SLC6A3: variants seen among roughly 807,000 people sequenced by gnomAD.
SLC6A3 encodes the protein sodium-dependent dopamine transporter.
SLC6A3 carries 19 observed loss-of-function variants against 70.4 expected under a neutral mutation model. The observed-to-expected ratio is 0.27, with a 90% CI of 0.19 to 0.40. The LOEUF (loss-of-function observed/expected upper bound fraction) is 0.40, where lower values mean the gene tolerates loss of function less well. Ranked by LOEUF, SLC6A3 falls within the 10% of genes least tolerant of loss-of-function variation. SLC6A3 has a pLI of 1.00. For missense variants in SLC6A3, 613 were observed against 838.5 expected, an observed-to-expected ratio of 0.73 and a Z score of 3.32; for synonymous variants, 368 against 356.6, an observed-to-expected ratio of 1.03 and a Z score of -0.36.
At position 1,436,393 on chromosome 5, in the gene SLC6A3, G is replaced by C. The variant is rs1466607721; in HGVS notation, c.419-3695C>G. Among the ~76,000 whole-genome samples, 1 of 152,192 alleles carries C rather than the reference G, an allele frequency of 6.6e-6. No individual in the cohort carries two copies. The highest frequency in any genetic ancestry group is 2.4e-5 in the African/African-American group (1 of 41,456). On this transcript the variant is annotated intron_variant, in intron 3 of 14. Coordinates refer to ENST00000270349, the MANE Select transcript of SLC6A3 (RefSeq NM_001044.5). The surrounding 1 kb of genome is among the most constrained non-coding windows in gnomAD (Gnocchi z 5.2). ...TCTTAAACACCATTTAGTGACACGG[G>C]AGACTGTCTCCCCAAGGAGGTGGCA...
chr5:1,420,775 C>A (rs1756417041), intron 5 of SLC6A3, 72 bp from the exon 6 acceptor site: 1 of 1,562,822 alleles, frequency 6.4e-7, no homozygotes, highest in South Asian at 1.1e-5. Flanking sequence ...GGCACAAGGG[C>A]ACCGGGTTGC....
rs181321030 is a variant in SLC6A3 at position 1,405,250 on chromosome 5, G to A, written c.1599+938C>T. Among the ~76,000 whole-genome samples, 39 of 152,310 alleles carry A rather than the reference G, an allele frequency of 2.6e-4. No homozygotes were observed. Among genetic ancestry groups the A allele is most frequent in the African/African-American group, 8.4e-4 (35 of 41,578 alleles). ...CTCTCACACTATGTTGAGCTCCTCCGGGATAGGGCCTGTCTCTCATCTCTT... is the reference window on the plus strand; with the variant it reads ...CTCTCACACTATGTTGAGCTCCTCCAGGATAGGGCCTGTCTCTCATCTCTT... On this transcript the variant is annotated intron_variant, in intron 12 of 14. Coordinates refer to ENST00000270349, the MANE Select transcript of SLC6A3 (RefSeq NM_001044.5). This position sits in a 1 kb window ranked among gnomAD's most constrained non-coding sequence, Gnocchi z 5.3.
intron 14 of SLC6A3, among the ~76,000 whole-genome samples, chr5:1,398,338 G>A (rs1755769602): frequency 6.9e-6 from 1 of 145,198 alleles, no homozygotes; most frequent in Non-Finnish European, 1.5e-5. Flanking sequence ...TCCAGCCTGG[G>A]TGACAGAGCA....
chr5:1,428,961 C>G (rs984465779), intron 4 of SLC6A3, among the ~76,000 whole-genome samples: 3 of 152,216 alleles, frequency 2.0e-5, no homozygotes, highest in Non-Finnish European at 4.4e-5. Flanking sequence ...GTGTAGGAAA[C>G]TCAATCCCTT....
At position 1,406,620 on chromosome 5, in the gene SLC6A3, T is replaced by TC. The variant is rs1755987382; in HGVS notation, c.1499-333_1499-332insG. Among the ~76,000 whole-genome samples, 1 of 149,318 alleles carries TC rather than the reference T, an allele frequency of 6.7e-6. No individual in the cohort carries two copies. The highest frequency in any genetic ancestry group is 1.5e-5 in the Non-Finnish European group (1 of 65,970). ...CTCCCTCTGCTGCTGGTACTTCTTG[T>TC]TCACTTAAAAAGATTATGGTAAAAT... On this transcript the variant is annotated intron_variant, in intron 11 of 14. Coordinates refer to ENST00000270349, the MANE Select transcript of SLC6A3 (RefSeq NM_001044.5). The surrounding 1 kb of genome is among the most constrained non-coding windows in gnomAD (Gnocchi z 8.8).
chr5:1,440,114 G>T (rs978000151), intron 3 of SLC6A3, among the ~76,000 whole-genome samples: 1 of 152,206 alleles, frequency 6.6e-6, no homozygotes, highest in South Asian at 2.1e-4. Context: ...ACAACTAGAT[G>T]GATCAATAGC....
At chr5:1,444,906 G>A (rs1453374629) in intron 1 of SLC6A3, among the ~76,000 whole-genome samples, 1 of 151,874 alleles carries the variant, frequency 6.6e-6, no homozygotes, top group Non-Finnish European at 1.5e-5. Flanking sequence ...GCCCGCGCCC[G>A]CCACCACCCC....
chr5:1,410,167 G>A (rs61244702), intron 9 of SLC6A3, among the ~76,000 whole-genome samples: 2 of 152,306 alleles, frequency 1.3e-5, no homozygotes, highest in African/African-American at 2.4e-5. Context: ...GCTGCTGCAC[G>A]GGCTCAGCTT....
At chr5:1,410,841 CGT>C (rs879435194) in intron 9 of SLC6A3, among the ~76,000 whole-genome samples, 29 of 151,110 alleles carry the variant, frequency 1.9e-4, no homozygotes, top group South Asian at 4.2e-4. Flanking sequence ...TGTGTGTGTT[CGT>C]GTGTGTTCAT....
chr5:1,397,589 C>T lies in SLC6A3; in HGVS notation c.1840-2831G>A, dbSNP rs1432057253. Among the ~76,000 whole-genome samples, 1 of 152,172 alleles carries T rather than the reference C, an allele frequency of 6.6e-6. No homozygotes were observed. The highest frequency in any genetic ancestry group is 2.4e-5 in the African/African-American group (1 of 41,436). Reference sequence around the variant, plus strand: ...GGCTCACAGGCCACACATCTCAGCACAGCCACGGAACACTGCTGCCTCCAA... The same window carrying T: ...GGCTCACAGGCCACACATCTCAGCATAGCCACGGAACACTGCTGCCTCCAA... On this transcript the variant is annotated intron_variant, in intron 14 of 14. Coordinates refer to ENST00000270349, the MANE Select transcript of SLC6A3 (RefSeq NM_001044.5). This position sits in a 1 kb window ranked among gnomAD's most constrained non-coding sequence, Gnocchi z 4.7.
chr5:1,406,058 G>A lies in SLC6A3; in HGVS notation c.1599+130C>T. 1 of 736,116 alleles carries A rather than the reference G, an allele frequency of 1.4e-6. No individual in the cohort carries two copies. The highest frequency in any genetic ancestry group is 2.5e-6 in the Non-Finnish European group (1 of 401,902). The allele number at this position is 736,116 out of a possible 1,614,324, so 45.6% of individuals were successfully genotyped here. ...AGTTCAGGGATCAGCCTGTCCTTCTGGGCCGAGTCTTGAGGCCCCTGACTC... is the reference window on the plus strand; with the variant it reads ...AGTTCAGGGATCAGCCTGTCCTTCTAGGCCGAGTCTTGAGGCCCCTGACTC... On this transcript the variant is annotated intron_variant, in intron 12 of 14. Transcript: ENST00000270349. This position sits in a 1 kb window ranked among gnomAD's most constrained non-coding sequence, Gnocchi z 8.8.
intron 9 of SLC6A3, among the ~76,000 whole-genome samples, 189 bp from the exon 10 acceptor site, chr5:1,410,038 G>A (rs746768841): frequency 8.5e-5 from 13 of 152,218 alleles, no homozygotes; most frequent in Non-Finnish European, 1.8e-4. Context: ...ATGGCGGCAC[G>A]ACCGCAGGAG....
At chr5:1,400,070 C>T (rs1253670367) in intron 14 of SLC6A3, among the ~76,000 whole-genome samples, 5 of 152,226 alleles carry the variant, frequency 3.3e-5, no homozygotes, top group Non-Finnish European at 7.3e-5. Flanking sequence ...CGGTGCCCTC[C>T]ACACTATGGC....
intron 4 of SLC6A3, among the ~76,000 whole-genome samples, chr5:1,428,648 C>T (rs1223148507): frequency 1.3e-5 from 2 of 152,188 alleles, no homozygotes; most frequent in Admixed American, 6.5e-5. Flanking sequence ...TGGCTGGGAC[C>T]CCTGGGGGCC....
At position 1,414,782 on chromosome 5, in the gene SLC6A3, C is replaced by G. The variant is rs1756240306; in HGVS notation, c.1065G>C (p.Leu355=). ...DAIVTTSINS[L]TSFSSGFVVF... ...CGACGAAGCCGGAGGAGAAGCTCGT[C>G]AGGGAGTTGATGGAGGTGGTGACAA... Residue 355 remains leucine, a synonymous_variant, in exon 8 of 15, where the codon CTG becomes CTC. Coordinates refer to ENST00000270349, the MANE Select transcript of SLC6A3 (RefSeq NM_001044.5). 1.9e-6 allele frequency: 3 copies of G among 1,612,910 alleles called. No homozygotes were observed. The highest frequency in any genetic ancestry group is 2.5e-6 in the Non-Finnish European group (3 of 1,179,884).
chr5:1,410,367 CT>C (rs1756087056), intron 9 of SLC6A3, among the ~76,000 whole-genome samples: 1 of 152,294 alleles, frequency 6.6e-6, no homozygotes, highest in African/African-American at 2.4e-5. Context: ...TCTTCATGCT[CT>C]CATGTCAGGA....
At chr5:1,420,540 C>T (rs1363354224) in intron 6 of SLC6A3, 29 bp downstream of exon 6, 1 of 1,612,742 alleles carries the variant, frequency 6.2e-7, no homozygotes, top group African/African-American at 1.3e-5. Context: ...CCCCTGTGGA[C>T]TGTGAAGCAG....
Position 1,442,416 on chromosome 5 carries a change from C to T in SLC6A3, c.286+496G>A, listed in dbSNP as rs180762457. Among the ~76,000 whole-genome samples, 12 of 152,208 alleles carry T rather than the reference C, an allele frequency of 7.9e-5. No homozygotes were observed. Among genetic ancestry groups the T allele is most frequent in the East Asian group, 5.8e-4 (3 of 5,156 alleles). ...GATCACCAATGTTCTTGGACGTCCC[C>T]GGTGGCCCTGCCTCGATCTTCGCTT... On this transcript the variant is annotated intron_variant, in intron 2 of 14. Coordinates refer to ENST00000270349, the MANE Select transcript of SLC6A3 (RefSeq NM_001044.5). The surrounding 1 kb of genome is among the most constrained non-coding windows in gnomAD (Gnocchi z 5.0).
intron 14 of SLC6A3, 117 bp downstream of exon 14, chr5:1,400,798 G>A (rs990246465): frequency 1.4e-6 from 1 of 739,322 alleles, no homozygotes; most frequent in Admixed American, 2.1e-5. Flanking sequence ...GCACATGCTG[G>A]CTGAGTAAAT....
Sources: allele counts gnomAD v4.1 joint callset (sites outside exome capture counted in the v4.1 genomes callset), GRCh38; gene constraint gnomAD v4.1.1; non-coding constraint Gnocchi (gnomAD v3.1); transcripts MANE v1.5; gene names NCBI Gene and HGNC (gene_info 2026-07-23, HGNC 2026-07-21).